Variants in TUBGCP3 observed in about 807,000 individuals in gnomAD.
TUBGCP3 encodes the protein tubulin gamma complex component 3.
Under a neutral mutation model 123.1 loss-of-function variants are expected in TUBGCP3, and 50 were observed. The ratio of observed to expected loss-of-function variants is 0.41; its 90% CI spans 0.32 to 0.51. TUBGCP3 has a LOEUF of 0.51. Ranked by LOEUF, TUBGCP3 falls within the 20% of genes least tolerant of loss-of-function variation. The pLI, the probability that TUBGCP3 is intolerant of heterozygous loss-of-function variation, is 0.36. For missense variants in TUBGCP3, 882 were observed against 1,127.0 expected, an observed-to-expected ratio of 0.78 and a Z score of 3.11; for synonymous variants, 405 against 413.9, an observed-to-expected ratio of 0.98 and a Z score of 0.26.
At chr13:112,557,785 C>T (rs1880166968) in intron 5 of TUBGCP3, among the ~76,000 whole-genome samples, 1 of 152,174 alleles carries the variant, frequency 6.6e-6, no homozygotes, top group Admixed American at 6.5e-5. Flanking sequence ...AAAGTTCAAC[C>T]TTATTTTATT....
chr13:112,593,899 G>C, the TUBGCP3 span, among the ~76,000 whole-genome samples: 1 of 151,954 alleles, frequency 6.6e-6, no homozygotes, highest in East Asian at 1.9e-4. Flanking sequence ...ATATCACAAA[G>C]AAATTTTAAA....
chr13:112,554,172 C>A lies in TUBGCP3; in HGVS notation c.851G>T (p.Ser284Ile). ...GACTGCTGTGTCTCTCAAAGACCTA[C>A]TTAGATTTGCCTAAAAAGTAAATAC... ...CYKVEGKANL[S>I]RSLRDTAVRL... Residue 284 changes from serine (S) to isoleucine (I), a missense_variant, in exon 8 of 22, where the codon AGT (serine) becomes ATT (isoleucine). This residue lies in a region of TUBGCP3 where 713 missense variants were observed against 874.0 expected (regional missense o/e 0.82). Coordinates refer to ENST00000261965, the MANE Select transcript of TUBGCP3 (RefSeq NM_006322.6). 2 of 1,613,452 alleles carry A rather than the reference C, an allele frequency of 1.2e-6. No individual in the cohort carries two copies. The highest frequency in any genetic ancestry group is 1.7e-6 in the Non-Finnish European group (2 of 1,179,868).
chr13:112,586,099 C>T (rs928766608), intron 1 of TUBGCP3, among the ~76,000 whole-genome samples: 12 of 151,728 alleles, frequency 7.9e-5, no homozygotes, highest in Non-Finnish European at 1.3e-4. Context: ...ATGAGCCAGG[C>T]GTGGTGGCGG....
chr13:112,590,596 G>T (rs1011596027), upstream of TUBGCP3, among the ~76,000 whole-genome samples: 4 of 152,150 alleles, frequency 2.6e-5, no homozygotes, highest in African/African-American at 9.7e-5. Context: ...AAGAGCAGCA[G>T]CCTTGGCGGT....
rs9577805 is a variant in TUBGCP3, at chr13:112,561,741, G to A, written c.253-2342C>T. ...CAGGAAGTCTCTGAGTGAAATGACC[G>A]GTAGGTGAAGGGAAAGACGGCAGGA... On this transcript the variant is annotated intron_variant, in intron 3 of 21. Transcript: ENST00000261965. 3.1e-3 allele frequency among the ~76,000 whole-genome samples: 468 copies of A among 152,248 alleles called. 20 individuals are homozygous for A. The East Asian group carries it at 0.06, about 20-fold the overall frequency.
upstream of TUBGCP3, among the ~76,000 whole-genome samples, chr13:112,590,480 C>G (rs763143644): frequency 1.3e-4 from 19 of 151,872 alleles, no homozygotes; most frequent in Non-Finnish European, 2.4e-4. Context: ...AAGGCCCTTT[C>G]GAGGTATGGC....
rs145080949 is a variant in TUBGCP3, at chr13:112,563,165, C to T, written c.252+1946G>A. Among the ~76,000 whole-genome samples the T allele has an allele frequency of 5.8e-3, 888 of 152,324 alleles. 4 individuals carry two copies. Among genetic ancestry groups the T allele is most frequent in the African/African-American group, 0.02 (842 of 41,578 alleles). On this transcript the variant is annotated intron_variant, in intron 3 of 21. Transcript: ENST00000261965. ...GTCAACCTGGACCCTCCTTCCACTC[C>T]GGACTCCTTCCTCTAGGTCTACCAA...
At chr13:112,547,404 G>T in intron 10 of TUBGCP3, 3 of 734,640 alleles carry the variant, frequency 4.1e-6, no homozygotes, top group South Asian at 1.2e-4. Context: ...GATTCCTATC[G>T]AATCAACACG....
intron 19 of TUBGCP3, 70 bp from the exon 20 acceptor site, chr13:112,499,255 T>G: frequency 6.6e-7 from 1 of 1,509,008 alleles, no homozygotes; most frequent in Non-Finnish European, 8.9e-7. Context: ...AACATTGATA[T>G]TTAGTGAAAA....
chr13:112,541,225 T>C (rs1467341551), intron 11 of TUBGCP3, among the ~76,000 whole-genome samples: 2 of 152,148 alleles, frequency 1.3e-5, no homozygotes, highest in African/African-American at 4.8e-5. Flanking sequence ...GAACTCGCGG[T>C]ACCTTTAAGG....
At chr13:112,503,992 T>C in intron 19 of TUBGCP3, 40 bp downstream of exon 19, 4 of 1,560,724 alleles carry the variant, frequency 2.6e-6, no homozygotes, top group Non-Finnish European at 3.5e-6. Flanking sequence ...AAGAAGATGA[T>C]TCTTTTGGTT....
rs147161241 is a variant in TUBGCP3 at position 112,523,497 on chromosome 13, G to T, written c.1556-988C>A. ...CAGTGAAGAAACTGTAGTTATCTGAGGATGAGTGAGGTCTGCCTGGAGTCA... is the reference window on the plus strand; with the variant it reads ...CAGTGAAGAAACTGTAGTTATCTGATGATGAGTGAGGTCTGCCTGGAGTCA... On this transcript the variant is annotated intron_variant, in intron 13 of 21. Coordinates refer to ENST00000261965, the MANE Select transcript of TUBGCP3 (RefSeq NM_006322.6). Among the ~76,000 whole-genome samples, 702 of 152,296 alleles carry T rather than the reference G, an allele frequency of 4.6e-3. 4 individuals are homozygous for T. The highest frequency in any genetic ancestry group is 0.016 in the African/African-American group (679 of 41,552).
the TUBGCP3 span, among the ~76,000 whole-genome samples, chr13:112,599,393 T>G: frequency 1.3e-5 from 2 of 152,102 alleles, no homozygotes; most frequent in African/African-American, 4.8e-5. Flanking sequence ...ACTGAGAGAG[T>G]TGTCTATTCT....
chr13:112,529,451 C>T (rs1395128643), intron 11 of TUBGCP3, among the ~76,000 whole-genome samples: 3 of 152,146 alleles, frequency 2.0e-5, no homozygotes, highest in Non-Finnish European at 4.4e-5. Flanking sequence ...ATGACCAATT[C>T]GTTTTTTATG....
intron 1 of TUBGCP3, among the ~76,000 whole-genome samples, chr13:112,570,298 G>C (rs550359909): frequency 1.3e-5 from 2 of 152,314 alleles, no homozygotes; most frequent in African/African-American, 4.8e-5. Flanking sequence ...ATGGTGATGA[G>C]TGGGGATCCC....
intron 20 of TUBGCP3, among the ~76,000 whole-genome samples, chr13:112,492,691 G>A (rs1880183876): frequency 6.7e-6 from 1 of 149,358 alleles, no homozygotes; most frequent in African/African-American, 2.5e-5. Context: ...GGCCTGGTAT[G>A]CCTGAGACAC....
chr13:112,567,977 C>G (rs928508826), intron 2 of TUBGCP3, among the ~76,000 whole-genome samples: 4 of 146,966 alleles, frequency 2.7e-5, no homozygotes, highest in Non-Finnish European at 2.9e-5. Context: ...TCACTAAGAC[C>G]TAAGGCCAAA....
Position 112,511,127 on chromosome 13 carries a change from A to G in TUBGCP3, c.2086+5313T>C, listed in dbSNP as rs1295600189. On this transcript the variant is annotated intron_variant, in intron 17 of 21. Coordinates refer to ENST00000261965, the MANE Select transcript of TUBGCP3 (RefSeq NM_006322.6). The surrounding 1 kb of genome is among the most constrained non-coding windows in gnomAD (Gnocchi z 4.1). ...TAAGACACTGTCATTTGTAAGATGA[A>G]TCGTTATTATATGAATCATCAAGAA... is the stretch of plus-strand genomic sequence containing the variant. Among the ~76,000 whole-genome samples, 1 of 152,214 alleles carries G rather than the reference A, an allele frequency of 6.6e-6. No homozygotes were observed. The highest frequency in any genetic ancestry group is 1.9e-4 in the East Asian group (1 of 5,190).
At chr13:112,555,373 C>T (rs551464883) in intron 6 of TUBGCP3, among the ~76,000 whole-genome samples, 18 of 152,192 alleles carry the variant, frequency 1.2e-4, no homozygotes, top group Non-Finnish European at 2.6e-4. Context: ...CTCACCTTTG[C>T]ATTCTACGCA....
Sources: allele counts gnomAD v4.1 joint callset (sites outside exome capture counted in the v4.1 genomes callset), GRCh38; gene constraint gnomAD v4.1.1; regional missense constraint gnomAD v4.1.1; non-coding constraint Gnocchi (gnomAD v3.1); transcripts MANE v1.5; gene names NCBI Gene and HGNC (gene_info 2026-07-23, HGNC 2026-07-21).